Variants in SLC33A1 observed in about 807,000 individuals in gnomAD.
The protein encoded by SLC33A1 is acetyl-coenzyme A transporter 1.
In SLC33A1, 20 loss-of-function variants were observed where a neutral mutation model predicts 50.0. That is an observed-to-expected ratio of 0.40 (90% CI 0.28 to 0.58). The LOEUF is 0.58. Among genes scored for constraint, SLC33A1 ranks in the 20% least tolerant of loss-of-function variants. SLC33A1 has a pLI of 0.44. For missense variants in SLC33A1, 476 were observed against 657.0 expected (o/e 0.72, Z 3.01); for synonymous variants, 265 against 251.8 (o/e 1.05, Z -0.50).
intron 2 of SLC33A1, among the ~76,000 whole-genome samples, chr3:155,836,301 A>G (rs1560015284): frequency 6.9e-6 from 1 of 145,554 alleles, no homozygotes; most frequent in African/African-American, 2.6e-5. Flanking sequence ...AAAAAAAAAA[A>G]AAAAAAAAAA....
At position 155,842,768 on chromosome 3, in the gene SLC33A1, G is replaced by A. The variant is rs116284338; in HGVS notation, c.776-149C>T. 0.025 allele frequency: 11,545 copies of A among 471,006 alleles called. 588 individuals carry two copies. The highest frequency in any genetic ancestry group is 0.16 in the Admixed American group (3,937 of 25,098). The allele number at this position is 471,006 out of a possible 1,614,324, so 29.2% of individuals were successfully genotyped here. ...TCATGCCTGTAATCCTAGCACTTTG[G>A]GAGGCCAAGGTGGGAGGATTACTTG... On this transcript the variant is annotated intron_variant, in intron 1 of 5. Transcript: ENST00000643144.
chr3:155,832,748 AG>A (rs748316178), intron 4 of SLC33A1, among the ~76,000 whole-genome samples: 72 of 145,924 alleles, frequency 4.9e-4, no homozygotes, highest in Non-Finnish European at 8.3e-4. Context: ...AAAAAAAAAA[AG>A]CAGAAGCTAA....
intron 4 of SLC33A1, among the ~76,000 whole-genome samples, chr3:155,832,165 G>GT (rs921283948): frequency 6.6e-6 from 1 of 152,036 alleles, no homozygotes; most frequent in Non-Finnish European, 1.5e-5. Context: ...ATCACCTGAG[G>GT]TTGGGAGTTC....
intron 1 of SLC33A1, among the ~76,000 whole-genome samples, chr3:155,852,636 T>C (rs1216374207): frequency 6.6e-6 from 1 of 152,240 alleles, no homozygotes; most frequent in Non-Finnish European, 1.5e-5. Context: ...TCAAATGTTA[T>C]CTGCAATGTG....
At chr3:155,836,187 G>A (rs1307154722) in intron 2 of SLC33A1, among the ~76,000 whole-genome samples, 1 of 147,446 alleles carries the variant, frequency 6.8e-6, no homozygotes. Context: ...AGGAGGCTGA[G>A]GCAGCAGAAT....
Position 155,853,024 on chromosome 3 carries a change from T to C in SLC33A1, c.775+199A>G, listed in dbSNP as rs1212093424. The C allele has an allele frequency of 7.3e-5, 44 of 604,632 alleles. 1 individual carries two copies. Among genetic ancestry groups the C allele is most frequent in the South Asian group, 7.1e-4 (35 of 49,160 alleles). The allele number at this position is 604,632 out of a possible 1,614,324, so 37.5% of individuals were successfully genotyped here. ...GGGTTGCCTCTCCCTGTTAACCGCA[T>C]AGTGATCATTTGATTGCTCTAATAT... is the stretch of plus-strand genomic sequence containing the variant. On this transcript the variant is annotated intron_variant, in intron 1 of 5. Transcript: ENST00000643144.
At position 155,823,330 on chromosome 3, in the gene SLC33A1, T is replaced by G. The variant is rs1016973159; in HGVS notation, c.*4880A>C. 6.6e-6 allele frequency: 1 copy of G among 152,118 alleles called. No homozygotes were observed. Among genetic ancestry groups the G allele is most frequent in the East Asian group, 1.9e-4 (1 of 5,196 alleles). 9.4% of individuals were successfully genotyped at this position (152,118 alleles called of 1,614,324 possible). On this transcript the variant is annotated 3_prime_UTR_variant, in exon 6 of 6. Transcript: ENST00000643144. ...GAGCTCTCAGTCCCAAACCAAATGGTGATTACATAAAAAATTTGGCATTGT... is the reference window on the plus strand; with the variant it reads ...GAGCTCTCAGTCCCAAACCAAATGGGGATTACATAAAAAATTTGGCATTGT...
chr3:155,829,898 T>C lies in SLC33A1; in HGVS notation c.1272A>G (p.Thr424=). 1.2e-6 allele frequency: 2 copies of C among 1,603,234 alleles called. No individual in the cohort carries two copies. The highest frequency in any genetic ancestry group is 1.7e-6 in the Non-Finnish European group (2 of 1,170,310). Residue 424 remains threonine, a synonymous_variant, in exon 5 of 6, where the codon ACA becomes ACG. Transcript: ENST00000643144. ...VLLSYALHQV[T]VYSMYVSIMA... is the part of the protein sequence containing the mutation. ...TTATAGAAACATACATGCTGTACAC[T>C]GTAACCTACGGAAAAATGTAAAACA...
chr3:155,832,250 A>G (rs1279013706), intron 4 of SLC33A1, among the ~76,000 whole-genome samples: 1 of 152,092 alleles, frequency 6.6e-6, no homozygotes, highest in Non-Finnish European at 1.5e-5. Flanking sequence ...ATGGTGGTAC[A>G]TGCCTGTAAT....
chr3:155,832,841 C>A (rs1267340683), intron 4 of SLC33A1, among the ~76,000 whole-genome samples: 1 of 150,352 alleles, frequency 6.7e-6, no homozygotes, highest in African/African-American at 2.4e-5. Context: ...TGAACTGAAA[C>A]CTAGGGATAA....
In SLC33A1 at chr3:155,822,692, AT is replaced by A. The variant is rs1752118529; in HGVS notation, c.*5517del. 1 of 152,056 alleles carries A rather than the reference AT, an allele frequency of 6.6e-6. No homozygotes were observed. Among genetic ancestry groups the A allele is most frequent in the Non-Finnish European group, 1.5e-5 (1 of 68,024 alleles). 9.4% of individuals were successfully genotyped at this position (152,056 alleles called of 1,614,324 possible). ...CTTCACATAAAATTGTTATAAAGTTATATTGTCTATATTGACAATAAAAAAC... is the reference window on the plus strand; with the variant it reads ...CTTCACATAAAATTGTTATAAAGTTAATTGTCTATATTGACAATAAAAAAC... On this transcript the variant is annotated 3_prime_UTR_variant, in exon 6 of 6. Transcript: ENST00000643144.
At chr3:155,835,743 C>G (rs1752627641) in intron 2 of SLC33A1, among the ~76,000 whole-genome samples, 1 of 152,092 alleles carries the variant, frequency 6.6e-6, no homozygotes, top group African/African-American at 2.4e-5. Flanking sequence ...CTATTTAAAA[C>G]AGACACTGCC....
At chr3:155,838,680 C>CAAAA (rs539049380) in intron 2 of SLC33A1, among the ~76,000 whole-genome samples, 2 of 65,826 alleles carry the variant, frequency 3.0e-5, no homozygotes, top group African/African-American at 5.5e-5. Context: ...GACTCTGTCT[C>CAAAA]AAAAAAAAAA....
At chr3:155,832,004 A>T (rs1448969467) in intron 4 of SLC33A1, among the ~76,000 whole-genome samples, 1 of 152,260 alleles carries the variant, frequency 6.6e-6, no homozygotes, top group Non-Finnish European at 1.5e-5. Flanking sequence ...AATATGCATT[A>T]GCAATAACTG....
At chr3:155,845,502 C>T (rs1257081282) in intron 1 of SLC33A1, among the ~76,000 whole-genome samples, 1 of 152,070 alleles carries the variant, frequency 6.6e-6, no homozygotes, top group Admixed American at 6.6e-5. Context: ...AAGGATATTT[C>T]TAATTTCTTT....
Position 155,853,348 on chromosome 3 carries a change from T to C in SLC33A1, c.650A>G (p.Asn217Ser). 3 of 1,614,110 alleles carry C rather than the reference T, an allele frequency of 1.9e-6. No homozygotes were observed. Among genetic ancestry groups the C allele is most frequent in the Non-Finnish European group, 2.5e-6 (3 of 1,180,030 alleles). Reference sequence around the variant, plus strand: ...GTAACCCGCTGTTTGGCCCACCGAATTGCAAGTAGAAGCATAACCCACATT... The same window carrying C: ...GTAACCCGCTGTTTGGCCCACCGAACTGCAAGTAGAAGCATAACCCACATT... ...RENVGYASTC[N>S]SVGQTAGYFL... is the part of the protein sequence containing the mutation. Residue 217 changes from asparagine to serine, a missense_variant, in exon 1 of 6, where the codon AAT becomes AGT. Transcript: ENST00000643144.
At chr3:155,833,619 T>A in intron 3 of SLC33A1, 34 bp from the exon 4 acceptor site, 1 of 1,274,058 alleles carries the variant, frequency 7.8e-7, no homozygotes, top group Non-Finnish European at 1.1e-6. Context: ...TGACTTCCAT[T>A]TTAGCTTAAA....
At chr3:155,844,445 ATATATATATATATTTTTTTTTTTT>A (rs1453315817) in intron 1 of SLC33A1, among the ~76,000 whole-genome samples, 4 of 12,380 alleles carry the variant, frequency 3.2e-4, no homozygotes, top group African/African-American at 8.1e-4. Flanking sequence ...ATATATATAT[ATATATATATATATTTTTTTTTTTT>A]TTTTTTTTTT....
In SLC33A1 at chr3:155,833,589, T is replaced by G; in HGVS notation, c.1149-4A>C. The G allele has an allele frequency of 1.3e-6, 2 of 1,503,390 alleles. No individual in the cohort carries two copies. The highest frequency in any genetic ancestry group is 1.9e-6 in the Non-Finnish European group (2 of 1,079,378). 93.1% of individuals were successfully genotyped at this position (1,503,390 alleles called of 1,614,324 possible). A position where few individuals can be genotyped will look rare whatever the true frequency, so the allele number is the denominator to read the frequency against. On this transcript the variant is annotated splice_polypyrimidine_tract_variant and splice_region_variant and intron_variant, in intron 3 of 5. Transcript: ENST00000643144. Reference sequence around the variant, plus strand: ...ATATTCTAACCCAAGCAATAATCTATAGAGAAAGAAACATTGAGTTGACTT... The same window carrying G: ...ATATTCTAACCCAAGCAATAATCTAGAGAGAAAGAAACATTGAGTTGACTT...
Sources: gnomAD v4.1 joint callset for allele counts (sites outside exome capture counted in the v4.1 genomes callset) on GRCh38, gnomAD v4.1.1 for gene constraint, MANE v1.5 for transcripts, NCBI Gene and HGNC (gene_info 2026-07-23, HGNC 2026-07-21) for gene names.